Variants in GTF2H1 observed in about 807,000 individuals in gnomAD.
GTF2H1 encodes BTF2 p62.
GTF2H1 carries 16 observed loss-of-function variants against 71.2 expected under a neutral mutation model. That is an observed-to-expected ratio of 0.22 (90% confidence interval 0.15 to 0.34). GTF2H1 has a LOEUF of 0.34. Among genes scored for constraint, GTF2H1 ranks in the 10% least tolerant of loss-of-function variants. The probability of loss-of-function intolerance (pLI) is 1.00; values close to 1 mark genes in which losing one functional copy is unlikely to be tolerated. For synonymous variants in GTF2H1, 215 were observed against 219.0 expected, an observed-to-expected ratio of 0.98 and a Z score of 0.16; for missense variants, 498 against 648.2, an observed-to-expected ratio of 0.77 and a Z score of 2.52.
At chr11:18,363,121 G>A (rs181362492) in intron 14 of GTF2H1, among the ~76,000 whole-genome samples, 5 of 152,112 alleles carry the variant, frequency 3.3e-5, no homozygotes, top group Admixed American at 6.6e-5. Context: ...GTCTTCAGGG[G>A]CAGTAATGCA....
rs1326418847 is a variant in GTF2H1 at position 18,322,604 on chromosome 11, A to G, written c.-152A>G. On this transcript the variant is annotated 5_prime_UTR_variant, in exon 1 of 15. Transcript: ENST00000265963. ...GCCAGCGATGGAGGCGAGACCCCCTAGTAACAGAGGCGGTGGCTACTGCTG... is the reference window on the plus strand; with the variant it reads ...GCCAGCGATGGAGGCGAGACCCCCTGGTAACAGAGGCGGTGGCTACTGCTG... 5 of 152,212 alleles carry G rather than the reference A, an allele frequency of 3.3e-5. No individual in the cohort carries two copies. Among genetic ancestry groups the G allele is most frequent in the Non-Finnish European group, 7.3e-5 (5 of 68,052 alleles). The allele number at this position is 152,212 out of a possible 1,614,324, so 9.4% of individuals were successfully genotyped here. A position where few individuals can be genotyped will look rare whatever the true frequency, so the allele number is the denominator to read the frequency against.
chr11:18,353,449 C>T (rs950564723), intron 11 of GTF2H1, among the ~76,000 whole-genome samples: 1 of 152,196 alleles, frequency 6.6e-6, no homozygotes. Flanking sequence ...GCCTAACACA[C>T]TAAGCTGTCC....
At chr11:18,352,078 A>G (rs1354902009) in intron 10 of GTF2H1, 109 bp downstream of exon 10, 3 of 684,758 alleles carry the variant, frequency 4.4e-6, no homozygotes, top group South Asian at 3.8e-5. Context: ...TCAAAGTACA[A>G]TATCCTTTTC....
At chr11:18,325,225 G>C (rs1041372581) in intron 1 of GTF2H1, among the ~76,000 whole-genome samples, 5 of 152,208 alleles carry the variant, frequency 3.3e-5, no homozygotes. Flanking sequence ...AAATGCAGAG[G>C]TGCAGTAATG....
At chr11:18,356,476 C>T (rs1258873463) in intron 11 of GTF2H1, among the ~76,000 whole-genome samples, 1 of 151,756 alleles carries the variant, frequency 6.6e-6, no homozygotes, top group African/African-American at 2.4e-5. Context: ...TACATAAATG[C>T]ACACATAACC....
intron 14 of GTF2H1, 32 bp downstream of exon 14, chr11:18,360,739 T>G (rs769484748): frequency 3.1e-5 from 34 of 1,088,562 alleles, no homozygotes; most frequent in Non-Finnish European, 1.5e-5. Context: ...TGCCTGATCT[T>G]CTTTCTCTTT....
At chr11:18,323,514 T>C (rs1201069676) in intron 1 of GTF2H1, among the ~76,000 whole-genome samples, 1 of 151,562 alleles carries the variant, frequency 6.6e-6, no homozygotes, top group Non-Finnish European at 1.5e-5. Context: ...AAAGAAGATA[T>C]GAAAAATACA....
At chr11:18,326,003 A>G (rs549352996) in intron 1 of GTF2H1, 1 of 152,300 alleles carries the variant, frequency 6.6e-6, no homozygotes, top group African/African-American at 2.4e-5. Context: ...AAAAACCTGG[A>G]AATCACAGAA....
At chr11:18,354,602 A>T (rs1865500085) in intron 11 of GTF2H1, among the ~76,000 whole-genome samples, 1 of 151,926 alleles carries the variant, frequency 6.6e-6, no homozygotes, top group African/African-American at 2.4e-5. Flanking sequence ...ACAAACTTAC[A>T]TCTGGTAGTT....
chr11:18,333,047 T>C lies in GTF2H1; in HGVS notation c.-15-13T>C, dbSNP rs1565005473. ...GGAATAGTTTTTTTCTTCATCTTTT[T>C]TTTCTCTCTTAGCACCTTCTAGCCA... On this transcript the variant is annotated splice_polypyrimidine_tract_variant and intron_variant, in intron 1 of 14. Coordinates refer to ENST00000265963, the MANE Select transcript of GTF2H1 (RefSeq NM_005316.4). 1.3e-6 allele frequency: 2 copies of C among 1,561,262 alleles called. No homozygotes were observed. The highest frequency in any genetic ancestry group is 1.7e-6 in the Non-Finnish European group (2 of 1,157,858).
chr11:18,341,532 A>G lies in GTF2H1; in HGVS notation c.762A>G (p.Leu254=), dbSNP rs753477039. ...TTTATTTTGTTGATTTTCTAGGCCT[A>G]AAAACAATGGTTTCATTAGGAGTGA... ...AECAKIDEKG[L]KTMVSLGVKN... Residue 254 remains leucine, a synonymous_variant, in exon 7 of 15, where the codon CTA becomes CTG. Transcript: ENST00000265963. The G allele has an allele frequency of 2.5e-6, 4 of 1,609,424 alleles. No homozygotes were observed. The highest frequency in any genetic ancestry group is 1.1e-5 in the South Asian group (1 of 90,286).
chr11:18,334,797 GTTA>G (rs1864986524), intron 2 of GTF2H1, among the ~76,000 whole-genome samples: 1 of 152,092 alleles, frequency 6.6e-6, no homozygotes, highest in Non-Finnish European at 1.5e-5. Context: ...CTAGATATTA[GTTA>G]TTATTTTGCC....
At chr11:18,340,493 G>A (rs1865131542) in intron 5 of GTF2H1, among the ~76,000 whole-genome samples, 1 of 152,056 alleles carries the variant, frequency 6.6e-6, no homozygotes, top group African/African-American at 2.4e-5. Context: ...TCACCCTGTT[G>A]GCCAGGCTGG....
At chr11:18,350,847 A>G (rs1373991974) in intron 9 of GTF2H1, among the ~76,000 whole-genome samples, 1 of 152,238 alleles carries the variant, frequency 6.6e-6, no homozygotes, top group African/African-American at 2.4e-5. Flanking sequence ...TGTTTGTATT[A>G]TTACAAGGCT....
At chr11:18,346,190 T>C (rs954333053) in intron 7 of GTF2H1, among the ~76,000 whole-genome samples, 5 of 152,214 alleles carry the variant, frequency 3.3e-5, no homozygotes, top group African/African-American at 9.6e-5. Flanking sequence ...TGACACAATA[T>C]GTACTACATT....
At chr11:18,328,084 C>A (rs1420509853) in intron 1 of GTF2H1, among the ~76,000 whole-genome samples, 2 of 151,948 alleles carry the variant, frequency 1.3e-5, no homozygotes, top group Non-Finnish European at 1.5e-5. Flanking sequence ...TGCCTCTAAC[C>A]CCTAGTTACT....
At chr11:18,358,661 C>T in intron 13 of GTF2H1, 21 bp downstream of exon 13, 1 of 1,400,952 alleles carries the variant, frequency 7.1e-7, no homozygotes, top group Non-Finnish European at 1.0e-6. Flanking sequence ...GTTCTGAAGA[C>T]AGCCAGATAA....
At chr11:18,340,543 C>T (rs1865132827) in intron 5 of GTF2H1, among the ~76,000 whole-genome samples, 1 of 152,176 alleles carries the variant, frequency 6.6e-6, no homozygotes, top group African/African-American at 2.4e-5. Flanking sequence ...CCGCCTCAGC[C>T]TCCCAAAGTG....
chr11:18,364,250 T>G (rs1490633339), intron 14 of GTF2H1, among the ~76,000 whole-genome samples: 10 of 152,120 alleles, frequency 6.6e-5, no homozygotes, highest in Non-Finnish European at 1.5e-4. Context: ...GGTATGGCAG[T>G]AAGGGTAATT....
Sources: gnomAD v4.1 joint callset for allele counts (sites outside exome capture counted in the v4.1 genomes callset) on GRCh38, gnomAD v4.1.1 for gene constraint, MANE v1.5 for transcripts, NCBI Gene and HGNC (gene_info 2026-07-23, HGNC 2026-07-21) for gene names.